The following IL16 variants were observed in gnomAD, a reference collection of about 807,000 sequenced individuals.
IL16 encodes interleukin 16.
IL16 carries 67 observed loss-of-function variants against 110.1 expected under a neutral mutation model. That is an observed-to-expected ratio of 0.61 (90% confidence interval 0.50 to 0.75). IL16 has a LOEUF of 0.75. IL16 is among the 30% of genes least tolerant of loss of function. The pLI is 0.00. For missense variants in IL16, 1,545 were observed against 1,655.0 expected (o/e 0.93, Z 1.15); for synonymous variants, 689 against 662.9 (o/e 1.04, Z -0.61).
chr15:81,197,735 T>G (rs895452700), intron 1 of IL16, among the ~76,000 whole-genome samples: 15 of 151,616 alleles, frequency 9.9e-5, no homozygotes, highest in African/African-American at 2.4e-4. Context: ...TTGTTTGTTT[T>G]TTTCTTTTTT....
At chr15:81,213,303 A>G (rs1738675250) in intron 1 of IL16, among the ~76,000 whole-genome samples, 1 of 152,228 alleles carries the variant, frequency 6.6e-6, no homozygotes, top group African/African-American at 2.4e-5. Context: ...TTGCTTTAGG[A>G]CTTAACATGT....
At chr15:81,282,505 C>G in intron 8 of IL16, 134 bp from the exon 9 acceptor site, 1 of 713,786 alleles carries the variant, frequency 1.4e-6, no homozygotes, top group East Asian at 2.5e-5. Context: ...CTGCACACAA[C>G]GACTACTCTG....
intron 1 of IL16, among the ~76,000 whole-genome samples, chr15:81,201,615 T>G (rs1393224481): frequency 9.9e-5 from 15 of 152,214 alleles, no homozygotes; most frequent in Admixed American, 9.8e-4. Flanking sequence ...TCTTTTTCTT[T>G]TTAGGTTGTA....
At chr15:81,193,321 C>T (rs1043455880), upstream of IL16, among the ~76,000 whole-genome samples, 1 of 152,002 alleles carries the variant, frequency 6.6e-6, no homozygotes, top group East Asian at 1.9e-4. Flanking sequence ...CACTGAATAA[C>T]AGCCAGGCAA....
chr15:81,244,823 T>C (rs1000152255), intron 2 of IL16, among the ~76,000 whole-genome samples: 12 of 152,168 alleles, frequency 7.9e-5, no homozygotes, highest in African/African-American at 2.9e-4. Flanking sequence ...TCTTTTGTTA[T>C]AGTATCACAG....
intron 1 of IL16, among the ~76,000 whole-genome samples, chr15:81,215,285 G>A (rs1247452735): frequency 6.6e-6 from 1 of 152,184 alleles, no homozygotes; most frequent in Non-Finnish European, 1.5e-5. Context: ...ATTATACTTA[G>A]TTGGCTTTGT....
chr15:81,241,043 T>C (rs1369424103), intron 2 of IL16, among the ~76,000 whole-genome samples: 1 of 152,080 alleles, frequency 6.6e-6, no homozygotes, highest in Non-Finnish European at 1.5e-5. Flanking sequence ...CAGCGCCCTC[T>C]GTTGAAAAGT....
intron 2 of IL16, among the ~76,000 whole-genome samples, chr15:81,245,741 T>TTTTTTTTTTTTTTTTTTTTTTTTTTTTC (rs1567016083): frequency 6.9e-6 from 1 of 144,870 alleles, no homozygotes; most frequent in African/African-American, 2.6e-5. Flanking sequence ...TTTTTTTTTT[T>TTTTTTTTTTTTTTTTTTTTTTTTTTTTC]TTTTTTTGCC....
intron 1 of IL16, among the ~76,000 whole-genome samples, chr15:81,204,657 C>G (rs961022826): frequency 1.3e-5 from 2 of 151,412 alleles, no homozygotes; most frequent in Admixed American, 1.3e-4. Flanking sequence ...TTAATGGGTG[C>G]AGCACATCAA....
chr15:81,184,487 G>A (rs893091975), intron 1 of IL16, among the ~76,000 whole-genome samples: 5 of 152,196 alleles, frequency 3.3e-5, no homozygotes, highest in African/African-American at 4.8e-5. Context: ...GTCATTGCTT[G>A]TGGGCTGCCC....
At chr15:81,285,558 G>A (rs1899407061) in intron 9 of IL16, 140 bp from the exon 10 acceptor site, 4 of 824,534 alleles carry the variant, frequency 4.9e-6, no homozygotes, top group Non-Finnish European at 7.6e-6. Flanking sequence ...GTTTTGGTCT[G>A]GTGGCTAGTG....
chr15:81,282,585 C>T, intron 8 of IL16, 54 bp from the exon 9 acceptor site: 1 of 1,315,010 alleles, frequency 7.6e-7, no homozygotes, highest in Non-Finnish European at 1.1e-6. Context: ...GACGAGTAGG[C>T]CCCCTGGGAA....
intron 1 of IL16, among the ~76,000 whole-genome samples, chr15:81,208,244 G>C (rs559790702): frequency 2.6e-5 from 4 of 152,086 alleles, no homozygotes; most frequent in Non-Finnish European, 2.9e-5. Context: ...TTGTTGATTT[G>C]TTTAAGTTCC....
intron 2 of IL16, among the ~76,000 whole-genome samples, chr15:81,255,170 C>T (rs1248051241): frequency 7.2e-5 from 11 of 152,242 alleles, no homozygotes; most frequent in Admixed American, 6.5e-4. Flanking sequence ...AACAGAAGGT[C>T]CAAAAATGTG....
intron 2 of IL16, among the ~76,000 whole-genome samples, chr15:81,252,803 T>C (rs1296323968): frequency 6.6e-6 from 1 of 152,236 alleles, no homozygotes; most frequent in Non-Finnish European, 1.5e-5. Context: ...TGTTGTAGCA[T>C]GTATCAGTTC....
rs1277383948 is a variant in IL16 at position 81,311,714 on chromosome 15, T to G, written c.*2916T>G. On this transcript the variant is annotated 3_prime_UTR_variant, in exon 19 of 19. Coordinates refer to ENST00000683961, the MANE Select transcript of IL16 (RefSeq NM_172217.5). ...AGAATTGGCTGAACTCATGAGAAGT[T>G]GATATAGAACAGTGCTTGCCACAGA... 1 of 152,162 alleles carries G rather than the reference T, an allele frequency of 6.6e-6. No individual in the cohort carries two copies. The highest frequency in any genetic ancestry group is 1.5e-5 in the Non-Finnish European group (1 of 68,046). 9.4% of individuals were successfully genotyped at this position (152,162 alleles called of 1,614,324 possible).
intron 13 of IL16, among the ~76,000 whole-genome samples, chr15:81,297,774 G>A (rs1487674552): frequency 6.6e-6 from 1 of 152,176 alleles, no homozygotes; most frequent in Non-Finnish European, 1.5e-5. Context: ...GTGAGGCCCT[G>A]TGCTAGATGC....
chr15:81,240,462 ACCCTT>A (rs1897305188), intron 2 of IL16, among the ~76,000 whole-genome samples: 1 of 151,992 alleles, frequency 6.6e-6, no homozygotes, highest in South Asian at 2.1e-4. Flanking sequence ...ATACCAATCT[ACCCTT>A]CCATCAGCAG....
chr15:81,295,166 T>C (rs1232918079), intron 12 of IL16, among the ~76,000 whole-genome samples: 4 of 152,194 alleles, frequency 2.6e-5, no homozygotes, highest in African/African-American at 9.7e-5. Flanking sequence ...GAATCCTTTC[T>C]TAGAAAACAA....
Sources: allele counts gnomAD v4.1 joint callset (sites outside exome capture counted in the v4.1 genomes callset), GRCh38; gene constraint gnomAD v4.1.1; transcripts MANE v1.5; gene names NCBI Gene and HGNC (gene_info 2026-07-23, HGNC 2026-07-21).